Variants in MPHOSPH6 observed in about 807,000 individuals in gnomAD.
MPHOSPH6 encodes M-phase phosphoprotein 6.
Under a neutral mutation model 21.8 loss-of-function variants are expected in MPHOSPH6, and 25 were observed. That is an observed-to-expected ratio of 1.15 (90% CI 0.83 to 1.60). MPHOSPH6 has a LOEUF of 1.60. Ranked by LOEUF, MPHOSPH6 falls within the 40% of genes most tolerant of loss-of-function variation. The pLI, the probability that MPHOSPH6 is intolerant of heterozygous loss-of-function variation, is 0.00. For synonymous variants in MPHOSPH6, 84 were observed against 56.5 expected (o/e 1.49, Z -2.18); for missense variants, 269 against 181.8 (o/e 1.48, Z -2.76).
chr16:82,161,243 C>G (rs1365771314), intron 2 of MPHOSPH6, among the ~76,000 whole-genome samples: 1 of 152,126 alleles, frequency 6.6e-6, no homozygotes, highest in Non-Finnish European at 1.5e-5. Flanking sequence ...AACTAATGAA[C>G]TTCAAATGGG....
chr16:82,161,277 C>T (rs1185904367), intron 2 of MPHOSPH6, among the ~76,000 whole-genome samples: 2 of 152,192 alleles, frequency 1.3e-5, no homozygotes, highest in African/African-American at 4.8e-5. Context: ...TATTGTCCCT[C>T]CCCTACATCT....
intron 3 of MPHOSPH6, 23 bp downstream of exon 3, chr16:82,151,401 T>A (rs1906260004): frequency 1.2e-6 from 2 of 1,600,232 alleles, no homozygotes; most frequent in Non-Finnish European, 1.7e-6. Context: ...AAATTTTTAA[T>A]TTGAAGCAAT....
chr16:82,157,115 T>C (rs1274760437), intron 2 of MPHOSPH6, among the ~76,000 whole-genome samples: 1 of 152,116 alleles, frequency 6.6e-6, no homozygotes, highest in East Asian at 1.9e-4. Context: ...ATGAGTTCTT[T>C]AACATTATTA....
chr16:82,148,966 A>G, intron 4 of MPHOSPH6, 103 bp from the exon 5 acceptor site: 1 of 1,366,956 alleles, frequency 7.3e-7, no homozygotes, highest in Non-Finnish European at 1.0e-6. Context: ...AAGATTACGA[A>G]AAAGAAAACT....
chr16:82,155,896 C>A (rs1395909668), intron 2 of MPHOSPH6, among the ~76,000 whole-genome samples: 1 of 147,180 alleles, frequency 6.8e-6, no homozygotes, highest in Non-Finnish European at 1.5e-5. Flanking sequence ...CAGAGTGACA[C>A]TCTGTCTCAA....
chr16:82,151,556 C>T, intron 2 of MPHOSPH6, 42 bp from the exon 3 acceptor site: 1 of 1,525,228 alleles, frequency 6.6e-7, no homozygotes, highest in Admixed American at 2.2e-5. Context: ...ATATATAAAG[C>T]ACAGCAAACA....
chr16:82,151,150 G>A (rs919102257), intron 3 of MPHOSPH6: 2 of 240,344 alleles, frequency 8.3e-6, no homozygotes, highest in Non-Finnish European at 1.6e-5. Context: ...AAATCTTGAC[G>A]TTCCTGTAAA....
rs1906146472 is a variant in MPHOSPH6, at chr16:82,148,285, G to C, written c.*446C>G. The C allele has an allele frequency of 6.6e-6, 1 of 152,522 alleles. No individual in the cohort carries two copies. The highest frequency in any genetic ancestry group is 2.1e-4 in the South Asian group (1 of 4,834). 9.4% of individuals were successfully genotyped at this position (152,522 alleles called of 1,614,324 possible). On this transcript the variant is annotated 3_prime_UTR_variant, in exon 5 of 5. Coordinates refer to ENST00000258169, the MANE Select transcript of MPHOSPH6 (RefSeq NM_005792.2). ...CATGTAAATACTTAAGGCTGGAGAG[G>C]CATTTTTATTCTTGATAAATTTATA...
chr16:82,169,564 C>A (rs977525211), intron 1 of MPHOSPH6, among the ~76,000 whole-genome samples: 1 of 152,182 alleles, frequency 6.6e-6, no homozygotes, highest in Non-Finnish European at 1.5e-5. Flanking sequence ...TTTAAAAATA[C>A]CCCCTCTCTC....
At chr16:82,152,037 T>C (rs1298062595) in intron 2 of MPHOSPH6, among the ~76,000 whole-genome samples, 2 of 152,210 alleles carry the variant, frequency 1.3e-5, no homozygotes, top group Admixed American at 1.3e-4. Flanking sequence ...GGAACGTAAT[T>C]TGGAAAGCAG....
In MPHOSPH6 at chr16:82,166,848, T is replaced by C. The variant is rs1449221942; in HGVS notation, c.52-2654A>G. Among the ~76,000 whole-genome samples the C allele has an allele frequency of 3.3e-5, 5 of 152,196 alleles. No individual in the cohort carries two copies. In the East Asian group the frequency reaches 9.6e-4, roughly 29 times the overall value. On this transcript the variant is annotated intron_variant, in intron 1 of 4. Transcript: ENST00000258169. The stretch of plus-strand genomic sequence containing the variant: ...CTATTCTTTTGGTATACAACAGCCA[T>C]ATACATATGTTCTGTACACATAGAA...
At chr16:82,167,989 T>G in intron 1 of MPHOSPH6, among the ~76,000 whole-genome samples, 1 of 152,172 alleles carries the variant, frequency 6.6e-6, no homozygotes, top group East Asian at 1.9e-4. Flanking sequence ...GTATAGACAG[T>G]GTCTCCTGCT....
At chr16:82,169,998 G>C in intron 1 of MPHOSPH6, 127 bp downstream of exon 1, 1 of 1,069,432 alleles carries the variant, frequency 9.4e-7, no homozygotes, top group Non-Finnish European at 1.3e-6. Flanking sequence ...GAATGAATGA[G>C]CACGAGAGCT....
intron 1 of MPHOSPH6, among the ~76,000 whole-genome samples, chr16:82,169,016 G>GT (rs1262900133): frequency 1.3e-5 from 2 of 152,192 alleles, no homozygotes; most frequent in African/African-American, 2.4e-5. Flanking sequence ...TGCCTTAGCT[G>GT]TAAGAAGAGA....
chr16:82,158,412 T>A (rs1161677780), intron 2 of MPHOSPH6, among the ~76,000 whole-genome samples: 1 of 141,310 alleles, frequency 7.1e-6, no homozygotes, highest in Non-Finnish European at 1.5e-5. Flanking sequence ...GGCAGCAGAA[T>A]GGTGTGAACC....
intron 2 of MPHOSPH6, among the ~76,000 whole-genome samples, chr16:82,153,994 C>G (rs1375995167): frequency 6.6e-6 from 1 of 152,090 alleles, no homozygotes; most frequent in Non-Finnish European, 1.5e-5. Flanking sequence ...AGGATAATCT[C>G]TCATCTAAAG....
intron 1 of MPHOSPH6, among the ~76,000 whole-genome samples, chr16:82,169,910 C>A (rs377262254): frequency 2.0e-5 from 3 of 152,218 alleles, no homozygotes; most frequent in Non-Finnish European, 4.4e-5. Context: ...AAGCTCCCAT[C>A]CGCCCGCGGG....
intron 2 of MPHOSPH6, among the ~76,000 whole-genome samples, chr16:82,156,833 G>C (rs12447597): frequency 6.6e-6 from 1 of 152,026 alleles, no homozygotes; most frequent in Non-Finnish European, 1.5e-5. Flanking sequence ...TTGGGTATCC[G>C]AGGCCAGCGA....
At chr16:82,160,088 C>G (rs376917254) in intron 2 of MPHOSPH6, among the ~76,000 whole-genome samples, 2 of 152,004 alleles carry the variant, frequency 1.3e-5, no homozygotes, top group African/African-American at 4.8e-5. Flanking sequence ...GACTACTGGC[C>G]CCTCAGAGGT....
Sources: gnomAD v4.1 joint callset for allele counts (sites outside exome capture counted in the v4.1 genomes callset) on GRCh38, gnomAD v4.1.1 for gene constraint, MANE v1.5 for transcripts, NCBI Gene and HGNC (gene_info 2026-07-23, HGNC 2026-07-21) for gene names.